GPR89A: variants seen among roughly 807,000 people sequenced by gnomAD.
The protein encoded by GPR89A is golgi pH regulator A.
A neutral mutation model predicts 52.0 loss-of-function variants in GPR89A; 16 were observed. The ratio of observed to expected loss-of-function variants is 0.31; its 90% CI spans 0.21 to 0.47. GPR89A has a LOEUF of 0.47. Ranked by LOEUF, GPR89A falls within the 20% of genes least tolerant of loss-of-function variation. The probability of loss-of-function intolerance (pLI) is 1.00; values close to 1 mark genes in which losing one functional copy is unlikely to be tolerated. For missense variants in GPR89A, 135 were observed against 449.4 expected (o/e 0.30, Z 6.33); for synonymous variants, 55 against 150.9 (o/e 0.36, Z 4.66).
At chr1:145,608,448 G>A (rs1177540167) in intron 1 of GPR89A, 52 of 631,270 alleles carry the variant, frequency 8.2e-5, no homozygotes, top group Non-Finnish European at 1.3e-4. Flanking sequence ...CCGACCTCCA[G>A]GCTAAGAGCC....
At chr1:145,647,833 T>C (rs199556323) in intron 10 of GPR89A, among the ~76,000 whole-genome samples, 21 of 2,006 alleles carry the variant, frequency 0.01, no homozygotes, top group Admixed American at 0.016. Flanking sequence ...GTCGACTCTC[T>C]CTCTCTCTCT....
intron 10 of GPR89A, among the ~76,000 whole-genome samples, chr1:145,662,882 T>C (rs1372821691): frequency 6.7e-6 from 1 of 149,556 alleles, no homozygotes; most frequent in Non-Finnish European, 1.5e-5. Flanking sequence ...TGGGGATTAA[T>C]TGGGAATTTT....
At position 145,619,347 on chromosome 1, in the gene GPR89A, C is replaced by T. The variant is rs1377908768; in HGVS notation, c.206+924C>T. Among the ~76,000 whole-genome samples, 51 of 149,054 alleles carry T rather than the reference C, an allele frequency of 3.4e-4. 1 individual carries two copies. Among genetic ancestry groups the T allele is most frequent in the East Asian group, 9.8e-4 (5 of 5,128 alleles). On this transcript the variant is annotated intron_variant, in intron 3 of 13. Transcript: ENST00000313835. Reference sequence around the variant, plus strand: ...GAGAGGGGCCAGACATAGTGGCTCACGCCTATAATCCTAGCACTTTGGGAG... The same window carrying T: ...GAGAGGGGCCAGACATAGTGGCTCATGCCTATAATCCTAGCACTTTGGGAG...
In GPR89A at chr1:145,645,967, T is replaced by G. The variant is rs868957315; in HGVS notation, c.728-217T>G. On this transcript the variant is annotated intron_variant, in intron 8 of 13. Transcript: ENST00000313835. Reference sequence around the variant, plus strand: ...TGCTTAAGAGAAACTGAGTGGTAATTGTTTGGTGGCGATGCTCTTGATGGA... The same window carrying G: ...TGCTTAAGAGAAACTGAGTGGTAATGGTTTGGTGGCGATGCTCTTGATGGA... 100 of 628,344 alleles carry G rather than the reference T, an allele frequency of 1.6e-4. 1 individual carries two copies. The highest frequency in any genetic ancestry group is 1.5e-3 in the African/African-American group (80 of 54,356). 38.9% of individuals were successfully genotyped at this position (628,344 alleles called of 1,614,324 possible).
intron 9 of GPR89A, 178 bp downstream of exon 9, chr1:145,646,450 A>G (rs2101806658): frequency 1.8e-6 from 1 of 545,354 alleles, no homozygotes; most frequent in Non-Finnish European, 3.2e-6. Flanking sequence ...TCCTGTCACT[A>G]GCAAAATCCT....
At chr1:145,610,752 TA>T (rs1648208129) in intron 1 of GPR89A, among the ~76,000 whole-genome samples, 4 of 152,210 alleles carry the variant, frequency 2.6e-5, no homozygotes, top group Admixed American at 2.6e-4. Flanking sequence ...TAGGCACTAA[TA>T]AATATTTGTT....
intron 12 of GPR89A, among the ~76,000 whole-genome samples, chr1:145,668,130 G>A (rs1295372328): frequency 1.3e-5 from 2 of 152,104 alleles, no homozygotes; most frequent in African/African-American, 4.8e-5. Context: ...AGCTTGATGT[G>A]GATGGCATTG....
intron 1 of GPR89A, among the ~76,000 whole-genome samples, chr1:145,610,995 A>C (rs1648229127): frequency 6.6e-6 from 1 of 152,176 alleles, no homozygotes. Flanking sequence ...AAGACTCTGT[A>C]CAATTCTGAA....
chr1:145,667,528 T>G (rs1302067448), intron 12 of GPR89A, among the ~76,000 whole-genome samples: 3 of 152,216 alleles, frequency 2.0e-5, no homozygotes, highest in Non-Finnish European at 1.5e-5. Flanking sequence ...GGTTGCCTGT[T>G]CACTCTGATG....
intron 2 of GPR89A, among the ~76,000 whole-genome samples, chr1:145,617,292 C>A (rs1553687201): frequency 6.6e-6 from 1 of 152,288 alleles, no homozygotes; most frequent in Middle Eastern, 3.4e-3. Context: ...TTCTGCCCAA[C>A]CCCGCAAGCA....
chr1:145,646,693 T>C (rs1484861593), intron 9 of GPR89A: 17 of 226,372 alleles, frequency 7.5e-5, no homozygotes, highest in Non-Finnish European at 1.5e-4. Flanking sequence ...AAGAAGTAAC[T>C]TTCCTATGTA....
chr1:145,668,457 TAAG>T (rs1350800021), intron 12 of GPR89A, among the ~76,000 whole-genome samples: 2 of 152,340 alleles, frequency 1.3e-5, no homozygotes, highest in Non-Finnish European at 2.9e-5. Context: ...CTTATCAGCT[TAAG>T]GAGATTTTGG....
intron 10 of GPR89A, among the ~76,000 whole-genome samples, chr1:145,647,548 A>G (rs1553692821): frequency 1.3e-5 from 2 of 151,842 alleles, no homozygotes; most frequent in Non-Finnish European, 2.9e-5. Flanking sequence ...TCATGCCTAT[A>G]ATCCCAGCAC....
chr1:145,649,522 G>A (rs1242536954), intron 10 of GPR89A, among the ~76,000 whole-genome samples: 3 of 150,236 alleles, frequency 2.0e-5, no homozygotes, highest in African/African-American at 4.9e-5. Flanking sequence ...TGGTTTGGAC[G>A]TGCCACAATT....
At chr1:145,641,238 A>G (rs1466431912) in intron 7 of GPR89A, among the ~76,000 whole-genome samples, 1 of 151,332 alleles carries the variant, frequency 6.6e-6, no homozygotes, top group Non-Finnish European at 1.5e-5. Flanking sequence ...GCTGAGTGAA[A>G]AAGAATCCCC....
chr1:145,612,866 A>G lies in GPR89A; in HGVS notation c.43-3368A>G, dbSNP rs369564443. ...TTTTTTCTCATTCCTGGCTCTCCCT[A>G]GAGTAATTTGCATTTACTGTCCCCA... On this transcript the variant is annotated intron_variant, in intron 1 of 13. Coordinates refer to ENST00000313835, the MANE Select transcript of GPR89A (RefSeq NM_001097612.2). Among the ~76,000 whole-genome samples, 109 of 152,038 alleles carry G rather than the reference A, an allele frequency of 7.2e-4. 1 individual carries two copies. In the East Asian group the frequency reaches 0.018, roughly 25 times the overall value.
At chr1:145,619,661 A>G (rs1218305976) in intron 3 of GPR89A, among the ~76,000 whole-genome samples, 1 of 152,104 alleles carries the variant, frequency 6.6e-6, no homozygotes, top group Non-Finnish European at 1.5e-5. Flanking sequence ...TAGAACAATG[A>G]ATAACATGTA....
chr1:145,613,900 C>T (rs1173860349), intron 1 of GPR89A, among the ~76,000 whole-genome samples: 2 of 152,078 alleles, frequency 1.3e-5, no homozygotes, highest in Admixed American at 6.6e-5. Context: ...GGCCCTTCCA[C>T]TTCAGCCTCC....
intron 1 of GPR89A, among the ~76,000 whole-genome samples, chr1:145,609,566 A>G (rs587693822): frequency 6.6e-5 from 10 of 152,372 alleles, no homozygotes; most frequent in Admixed American, 1.3e-4. Context: ...TTTTAGCCTT[A>G]GTACCAATTT....
Sources: gnomAD v4.1 joint callset for allele counts (sites outside exome capture counted in the v4.1 genomes callset) on GRCh38, gnomAD v4.1.1 for gene constraint, MANE v1.5 for transcripts, NCBI Gene and HGNC (gene_info 2026-07-23, HGNC 2026-07-21) for gene names.